ARFIP1: variants seen among roughly 807,000 people sequenced by gnomAD.
ARFIP1 encodes ARF interacting protein 1, also known as arfaptin-1.
Under a neutral mutation model 42.5 loss-of-function variants are expected in ARFIP1, and 24 were observed. The ratio of observed to expected loss-of-function variants is 0.57; its 90% CI spans 0.41 to 0.80. ARFIP1 has a LOEUF of 0.80. ARFIP1 is among the 30% of genes least tolerant of loss of function. The pLI, the probability that ARFIP1 is intolerant of heterozygous loss-of-function variation, is 0.00. For synonymous variants in ARFIP1, 141 were observed against 153.7 expected, an observed-to-expected ratio of 0.92 and a Z score of 0.61; for missense variants, 354 against 434.0, an observed-to-expected ratio of 0.82 and a Z score of 1.64.
chr4:152,846,139 T>A (rs1732519798), intron 2 of ARFIP1, among the ~76,000 whole-genome samples: 1 of 152,094 alleles, frequency 6.6e-6, no homozygotes, highest in Non-Finnish European at 1.5e-5. Flanking sequence ...CACTTATAAG[T>A]GCTAGCTAAA....
intron 1 of ARFIP1, among the ~76,000 whole-genome samples, chr4:152,797,859 T>C (rs1731560926): frequency 6.6e-6 from 1 of 152,202 alleles, no homozygotes; most frequent in Non-Finnish European, 1.5e-5. Context: ...TACCATTATA[T>C]CATCTGCAAA....
chr4:152,901,369 T>TA (rs1737817904), intron 8 of ARFIP1, among the ~76,000 whole-genome samples: 1 of 152,220 alleles, frequency 6.6e-6, no homozygotes, highest in South Asian at 2.1e-4. Context: ...AAATTTCAGT[T>TA]ACCTAGTTTC....
chr4:152,897,857 A>G (rs1737475093), intron 8 of ARFIP1, among the ~76,000 whole-genome samples: 2 of 152,024 alleles, frequency 1.3e-5, no homozygotes. Context: ...TGACTTTGCT[A>G]TACTTTTTTA....
intron 2 of ARFIP1, among the ~76,000 whole-genome samples, chr4:152,845,014 A>C (rs1578918247): frequency 6.6e-6 from 1 of 152,222 alleles, no homozygotes; most frequent in African/African-American, 2.4e-5. Context: ...AAACAGGCAC[A>C]TTGACCAATG....
intron 5 of ARFIP1, among the ~76,000 whole-genome samples, chr4:152,876,361 T>C (rs546000047): frequency 2.7e-4 from 41 of 152,244 alleles, no homozygotes; most frequent in Non-Finnish European, 5.3e-4. Flanking sequence ...ACTCCTGTTA[T>C]GTTTTAGCAA....
chr4:152,902,826 C>T (rs908625286), intron 8 of ARFIP1, among the ~76,000 whole-genome samples: 3 of 152,120 alleles, frequency 2.0e-5, no homozygotes, highest in African/African-American at 7.2e-5. Context: ...TGAAAGCCAG[C>T]GAGCGGTATT....
intron 2 of ARFIP1, among the ~76,000 whole-genome samples, chr4:152,831,996 CCA>C (rs1731282734): frequency 6.7e-6 from 1 of 150,262 alleles, no homozygotes; most frequent in Non-Finnish European, 1.5e-5. Context: ...TGTTAATATA[CCA>C]CAGTTTGTAT....
chr4:152,873,970 A>G (rs1251248854), intron 5 of ARFIP1, among the ~76,000 whole-genome samples: 1 of 152,182 alleles, frequency 6.6e-6, no homozygotes, highest in Non-Finnish European at 1.5e-5. Context: ...TACTTCTGTA[A>G]CTTTGTTCAT....
intron 1 of ARFIP1, among the ~76,000 whole-genome samples, chr4:152,794,128 A>G (rs1335786110): frequency 6.6e-6 from 1 of 152,150 alleles, no homozygotes; most frequent in Non-Finnish European, 1.5e-5. Context: ...ACCATAATAT[A>G]ATTATTACAA....
chr4:152,864,913 C>CTT lies in ARFIP1; in HGVS notation c.202+1221_202+1222dup, dbSNP rs34123163. Among the ~76,000 whole-genome samples, 317 of 112,434 alleles carry CTT rather than the reference C, an allele frequency of 2.8e-3. 3 individuals are homozygous for CTT. The highest frequency in any genetic ancestry group is 0.021 in the East Asian group (78 of 3,786). 73.8% of individuals were successfully genotyped at this position (112,434 alleles called of 152,430 possible). ...TTTTACTTGTGATAACTTTTTTAAACTTTTTTTTTTTTTTTTTTTTTTTAC... is the reference window on the plus strand; with the variant it reads ...TTTTACTTGTGATAACTTTTTTAAACTTTTTTTTTTTTTTTTTTTTTTTTTAC... On this transcript the variant is annotated intron_variant, in intron 3 of 8. Transcript: ENST00000353617.
chr4:152,828,128 G>C (rs1399426248), intron 1 of ARFIP1, among the ~76,000 whole-genome samples: 3 of 152,098 alleles, frequency 2.0e-5, no homozygotes, highest in African/African-American at 7.2e-5. Context: ...CCAAGTTTTG[G>C]CAATTATAAA....
In ARFIP1 at chr4:152,797,122, C is replaced by T. The variant is rs530703593; in HGVS notation, c.-10+16896C>T. ...TGGTTTCATATTTTATATCTAGATT[C>T]CTAATCCATTTGGAGTTTATTCTGG... On this transcript the variant is annotated intron_variant, in intron 1 of 8. Transcript: ENST00000353617. Among the ~76,000 whole-genome samples, 123 of 152,202 alleles carry T rather than the reference C, an allele frequency of 8.1e-4. 1 individual carries two copies. The Middle Eastern group carries it at 0.014, about 17-fold the overall frequency.
chr4:152,809,979 AC>A (rs1408690315), intron 1 of ARFIP1: 1 of 152,240 alleles, frequency 6.6e-6, no homozygotes, highest in African/African-American at 2.4e-5. Context: ...TAAAAAAGGC[AC>A]ATGATTTGAT....
intron 1 of ARFIP1, among the ~76,000 whole-genome samples, chr4:152,788,667 C>G (rs1025666155): frequency 6.6e-6 from 1 of 152,046 alleles, no homozygotes; most frequent in East Asian, 1.9e-4. Context: ...GATGACAGAG[C>G]GAGACTCCAT....
At chr4:152,788,801 C>CTTTTT (rs138189664) in intron 1 of ARFIP1, among the ~76,000 whole-genome samples, 139 of 113,338 alleles carry the variant, frequency 1.2e-3, no homozygotes, top group Middle Eastern at 4.7e-3. Flanking sequence ...TCCCCAATGT[C>CTTTTT]TTTTTTTTTT....
chr4:152,885,624 G>C (rs532143737), intron 7 of ARFIP1, among the ~76,000 whole-genome samples: 2 of 151,794 alleles, frequency 1.3e-5, no homozygotes, highest in East Asian at 3.9e-4. Flanking sequence ...GTTTTACTTT[G>C]GTACCACCTA....
chr4:152,856,207 G>C (rs1733419688), intron 2 of ARFIP1, among the ~76,000 whole-genome samples: 1 of 152,134 alleles, frequency 6.6e-6, no homozygotes, highest in Non-Finnish European at 1.5e-5. Flanking sequence ...CTCTCAGATA[G>C]TACTGCTATT....
intron 1 of ARFIP1, among the ~76,000 whole-genome samples, chr4:152,814,933 C>T (rs774670942): frequency 6.6e-6 from 1 of 152,144 alleles, no homozygotes; most frequent in African/African-American, 2.4e-5. Flanking sequence ...CAGGGGATTT[C>T]TTTTTAAATT....
intron 1 of ARFIP1, among the ~76,000 whole-genome samples, chr4:152,808,222 T>C (rs908562766): frequency 6.8e-6 from 1 of 146,316 alleles, no homozygotes; most frequent in African/African-American, 2.5e-5. Context: ...TCAGGTGATC[T>C]TCCCACCTTG....
Sources: allele counts gnomAD v4.1 joint callset (sites outside exome capture counted in the v4.1 genomes callset), GRCh38; gene constraint gnomAD v4.1.1; transcripts MANE v1.5; gene names NCBI Gene and HGNC (gene_info 2026-07-23, HGNC 2026-07-21).